Variants in PIGU observed in about 807,000 individuals in gnomAD.
PIGU encodes the protein phosphatidylinositol glycan anchor biosynthesis class U.
In PIGU, 24 loss-of-function variants were observed where a neutral mutation model predicts 49.9. The ratio of observed to expected loss-of-function variants is 0.48; its 90% CI spans 0.35 to 0.68. PIGU has a LOEUF of 0.68. PIGU is among the 30% of genes least tolerant of loss of function. PIGU has a pLI of 0.01. For missense variants in PIGU, 490 were observed against 532.6 expected, an observed-to-expected ratio of 0.92 and a Z score of 0.79; for synonymous variants, 220 against 205.7, an observed-to-expected ratio of 1.07 and a Z score of -0.59.
intron 6 of PIGU, among the ~76,000 whole-genome samples, chr20:34,623,938 G>T (rs1400809250): frequency 6.6e-6 from 1 of 152,010 alleles, no homozygotes; most frequent in East Asian, 1.9e-4. Flanking sequence ...ACCTCAACTC[G>T]AAGTGATGGG....
chr20:34,628,178 G>A (rs1985565663), intron 6 of PIGU, among the ~76,000 whole-genome samples: 1 of 152,080 alleles, frequency 6.6e-6, no homozygotes, highest in Non-Finnish European at 1.5e-5. Flanking sequence ...GAGTATAAAT[G>A]TGGCAATACA....
chr20:34,665,826 C>A (rs1028482079), intron 1 of PIGU, among the ~76,000 whole-genome samples: 1 of 151,960 alleles, frequency 6.6e-6, no homozygotes, highest in African/African-American at 2.4e-5. Context: ...TACAAGAGTA[C>A]CAACATCCTC....
chr20:34,574,313 T>C (rs1366686550), intron 11 of PIGU, among the ~76,000 whole-genome samples: 1 of 152,224 alleles, frequency 6.6e-6, no homozygotes, highest in Non-Finnish European at 1.5e-5. Context: ...TCAACATTTC[T>C]GGGAGTGGGA....
chr20:34,605,783 CTAGAT>C (rs2146731320), intron 7 of PIGU, among the ~76,000 whole-genome samples: 1 of 152,208 alleles, frequency 6.6e-6, no homozygotes, highest in African/African-American at 2.4e-5. Flanking sequence ...CCATATATGT[CTAGAT>C]TAAATATTAA....
At chr20:34,655,784 G>T (rs1253854038) in intron 2 of PIGU, among the ~76,000 whole-genome samples, 1 of 120,936 alleles carries the variant, frequency 8.3e-6, no homozygotes, top group Non-Finnish European at 1.8e-5. Context: ...TTTATCCTGA[G>T]GTGAATGGTG....
intron 1 of PIGU, among the ~76,000 whole-genome samples, chr20:34,672,779 CAGA>C (rs925956254): frequency 6.7e-6 from 1 of 148,218 alleles, no homozygotes; most frequent in Non-Finnish European, 1.5e-5. Flanking sequence ...CTCTTGAGCC[CAGA>C]AGGATGAGGC....
chr20:34,561,742 G>A (rs781329867), intron 11 of PIGU, among the ~76,000 whole-genome samples: 2 of 151,958 alleles, frequency 1.3e-5, no homozygotes, highest in African/African-American at 4.8e-5. Flanking sequence ...GCCCTCTCCC[G>A]GCTCCACCTC....
At chr20:34,616,585 C>T (rs899610985) in intron 6 of PIGU, among the ~76,000 whole-genome samples, 1 of 152,104 alleles carries the variant, frequency 6.6e-6, no homozygotes, top group Non-Finnish European at 1.5e-5. Context: ...CCTTCCTTAC[C>T]TGCTGCATCA....
intron 1 of PIGU, among the ~76,000 whole-genome samples, chr20:34,669,989 T>C (rs557540017): frequency 6.6e-6 from 1 of 152,268 alleles, no homozygotes; most frequent in Non-Finnish European, 1.5e-5. Flanking sequence ...AATACAAAGA[T>C]GTCATTACAT....
At position 34,642,571 on chromosome 20, in the gene PIGU, G is replaced by A. The variant is rs989417789; in HGVS notation, c.318+1593C>T. ...TTCAGTTTTACATTTTGGTTATAAAGATCTGGGTAATTGTGGTCTTAGATG... is the reference window on the plus strand; with the variant it reads ...TTCAGTTTTACATTTTGGTTATAAAAATCTGGGTAATTGTGGTCTTAGATG... On this transcript the variant is annotated intron_variant, in intron 4 of 11. Coordinates refer to ENST00000217446, the MANE Select transcript of PIGU (RefSeq NM_080476.5). Among the ~76,000 whole-genome samples, 5 of 150,948 alleles carry A rather than the reference G, an allele frequency of 3.3e-5. No homozygotes were observed. In the Admixed American group the frequency reaches 3.3e-4, roughly 10 times the overall value.
chr20:34,612,715 C>T (rs953643445), intron 7 of PIGU, among the ~76,000 whole-genome samples: 10 of 151,036 alleles, frequency 6.6e-5, no homozygotes, highest in South Asian at 2.1e-4. Flanking sequence ...CTCTGCCTCT[C>T]GGGTTCAAGC....
intron 7 of PIGU, among the ~76,000 whole-genome samples, chr20:34,602,739 A>G (rs1426300937): frequency 6.6e-6 from 1 of 152,240 alleles, no homozygotes; most frequent in Admixed American, 6.5e-5. Flanking sequence ...ATAAAGCTTA[A>G]TGAATGATTG....
chr20:34,564,538 T>G (rs1022593295), intron 11 of PIGU, among the ~76,000 whole-genome samples: 2 of 152,230 alleles, frequency 1.3e-5, no homozygotes, highest in East Asian at 3.8e-4. Context: ...TATTGTTGTA[T>G]GTAACAAACT....
chr20:34,660,948 G>A (rs937819521), intron 1 of PIGU, among the ~76,000 whole-genome samples: 1 of 152,166 alleles, frequency 6.6e-6, no homozygotes, highest in Admixed American at 6.5e-5. Flanking sequence ...CTATGGTGAT[G>A]TAGAATGTTA....
At chr20:34,594,758 G>GAGCCA (rs1424971480) in intron 7 of PIGU, among the ~76,000 whole-genome samples, 1 of 151,038 alleles carries the variant, frequency 6.6e-6, no homozygotes, top group Non-Finnish European at 1.5e-5. Flanking sequence ...TGGGTGACAA[G>GAGCCA]AGCCAAACTC....
intron 6 of PIGU, among the ~76,000 whole-genome samples, chr20:34,633,339 T>C (rs953245633): frequency 1.3e-5 from 2 of 152,006 alleles, no homozygotes; most frequent in African/African-American, 2.4e-5. Flanking sequence ...TGGAGGGTGC[T>C]TGTAGTCCTA....
intron 6 of PIGU, among the ~76,000 whole-genome samples, chr20:34,624,642 C>G (rs370700520): frequency 6.6e-6 from 1 of 152,194 alleles, no homozygotes; most frequent in South Asian, 2.1e-4. Flanking sequence ...CTTTTTAAAG[C>G]CTAATGAAGA....
chr20:34,645,295 A>ATATACC lies in PIGU; in HGVS notation c.234_235insGGTATA (p.Asp78_Tyr79insGlyIle). The ATATACC allele has an allele frequency of 6.3e-7, 1 of 1,580,442 alleles. No individual in the cohort carries two copies. The highest frequency in any genetic ancestry group is 8.6e-7 in the Non-Finnish European group (1 of 1,169,046). ...CTTACCATAAACACCAATTCAGCAT[A>ATATACC]GTCAATTAGGAAATGAAAGAGGTAT... On this transcript the variant is annotated inframe_insertion, in exon 3 of 12. Transcript: ENST00000217446.
chr20:34,644,812 C>T (rs183339607), intron 3 of PIGU, among the ~76,000 whole-genome samples: 12 of 152,304 alleles, frequency 7.9e-5, no homozygotes, highest in East Asian at 3.9e-4. Context: ...ATGCCCTCCA[C>T]GCCGGCTTCA....
Sources: allele counts gnomAD v4.1 joint callset (sites outside exome capture counted in the v4.1 genomes callset), GRCh38; gene constraint gnomAD v4.1.1; transcripts MANE v1.5; gene names NCBI Gene and HGNC (gene_info 2026-07-23, HGNC 2026-07-21).